Variants in SVIL observed in about 807,000 individuals in gnomAD.
SVIL encodes the protein archvillin.
A neutral mutation model predicts 240.4 loss-of-function variants in SVIL; 101 were observed. The ratio of observed to expected loss-of-function variants is 0.42; its 90% CI spans 0.36 to 0.50. SVIL has a LOEUF of 0.50. Ranked by LOEUF, SVIL falls within the 20% of genes least tolerant of loss-of-function variation. SVIL has a pLI of 0.01. For synonymous variants in SVIL, 999 were observed against 1,100.0 expected (o/e 0.91, Z 1.82); for missense variants, 2,512 against 2,818.7 (o/e 0.89, Z 2.46).
intron 1 of SVIL, among the ~76,000 whole-genome samples, chr10:29,711,017 G>A (rs1963235694): frequency 6.6e-6 from 1 of 152,288 alleles, no homozygotes; most frequent in African/African-American, 2.4e-5. Flanking sequence ...AGACAAATGC[G>A]TTAAAAACTA....
intron 27 of SVIL, chr10:29,483,397 C>T (rs1947093497): frequency 6.6e-6 from 1 of 152,186 alleles, no homozygotes; most frequent in African/African-American, 2.4e-5. Flanking sequence ...ATCCTGGCTG[C>T]ATCTTAAAAT....
At chr10:29,608,718 C>A (rs1266677464) in intron 1 of SVIL, among the ~76,000 whole-genome samples, 1 of 152,244 alleles carries the variant, frequency 6.6e-6, no homozygotes, top group Non-Finnish European at 1.5e-5. Flanking sequence ...TTGAGGGCAG[C>A]TGAGCGTGGG....
intron 17 of SVIL, 96 bp downstream of exon 17, chr10:29,512,639 C>T: frequency 2.5e-6 from 4 of 1,602,184 alleles, no homozygotes; most frequent in African/African-American, 1.3e-5. Context: ...ACAAATGCTT[C>T]ACAGAGTAGG....
intron 1 of SVIL, among the ~76,000 whole-genome samples, chr10:29,604,058 T>C (rs926981162): frequency 6.6e-6 from 1 of 152,186 alleles, no homozygotes; most frequent in Non-Finnish European, 1.5e-5. Context: ...AGTCGCCCCA[T>C]GTCCATCGCT....
intron 18 of SVIL, among the ~76,000 whole-genome samples, chr10:29,496,834 G>A (rs7920357): frequency 0.085 from 12,919 of 152,216 alleles, 1,647 homozygotes; most frequent in African/African-American, 0.28. Context: ...GGTTTTTAAG[G>A]TGGAAGAAAG....
In SVIL at chr10:29,580,174, T is replaced by A. The variant is rs113039196; in HGVS notation, c.-200-10862A>T. On this transcript the variant is annotated intron_variant, in intron 1 of 37. Coordinates refer to ENST00000355867, the MANE Select transcript of SVIL (RefSeq NM_021738.3). ...TTAGACTCTGTCTCTACAAAAAATT[T>A]AAAAAAAAAAAATTTAGCTGGGCAT... Among the ~76,000 whole-genome samples, 1,194 of 146,852 alleles carry A rather than the reference T, an allele frequency of 8.1e-3. 15 individuals are homozygous for A. Among genetic ancestry groups the A allele is most frequent in the African/African-American group, 0.023 (919 of 40,156 alleles).
intron 1 of SVIL, among the ~76,000 whole-genome samples, chr10:29,616,119 T>C (rs556172391): frequency 6.6e-6 from 1 of 152,336 alleles, no homozygotes; most frequent in Non-Finnish European, 1.5e-5. Context: ...ATTTCCTTTT[T>C]ATTTTCCTCC....
intron 1 of SVIL, among the ~76,000 whole-genome samples, chr10:29,620,158 T>A (rs796112348): frequency 6.6e-6 from 1 of 152,140 alleles, no homozygotes; most frequent in Non-Finnish European, 1.5e-5. Context: ...AAAATTATCA[T>A]TGCACACATT....
intron 12 of SVIL, among the ~76,000 whole-genome samples, chr10:29,527,337 A>G (rs886644855): frequency 6.6e-6 from 1 of 152,226 alleles, no homozygotes; most frequent in Non-Finnish European, 1.5e-5. Flanking sequence ...GGTGTAAAAA[A>G]AATAATAATT....
rs68136072 is a variant in SVIL, at chr10:29,457,988, C to T, written c.*259G>A. 29,593 of 328,004 alleles carry T rather than the reference C, an allele frequency of 0.09. 1,781 individuals are homozygous for T. Among genetic ancestry groups the T allele is most frequent in the Non-Finnish European group, 0.12 (20,878 of 180,952 alleles). The allele number at this position is 328,004 out of a possible 1,614,324, so 20.3% of individuals were successfully genotyped here. A position where few individuals can be genotyped will look rare whatever the true frequency, so the allele number is the denominator to read the frequency against. On this transcript the variant is annotated 3_prime_UTR_variant, in exon 38 of 38. Coordinates refer to ENST00000355867, the MANE Select transcript of SVIL (RefSeq NM_021738.3). ...AAGGCAGTGCTATCTATAGCAGCTGCGGCTTAAGTGCACATAACAGATACT... is the reference window on the plus strand; with the variant it reads ...AAGGCAGTGCTATCTATAGCAGCTGTGGCTTAAGTGCACATAACAGATACT...
rs375657751 is a variant in SVIL at position 29,544,931 on chromosome 10, A to C, written c.827+5666T>G. ...GGGACTGAAAGGTGAAGCCAATTCC[A>C]TTCCAGTAATAGAATAAGCTGTGAG... On this transcript the variant is annotated intron_variant, in intron 6 of 37. Transcript: ENST00000355867. 6 of 521,426 alleles carry C rather than the reference A, an allele frequency of 1.2e-5. 1 individual carries two copies. Among genetic ancestry groups the C allele is most frequent in the South Asian group, 7.1e-5 (5 of 70,788 alleles). 32.3% of individuals were successfully genotyped at this position (521,426 alleles called of 1,614,324 possible).
At chr10:29,595,020 CTG>C (rs1390843576) in intron 1 of SVIL, among the ~76,000 whole-genome samples, 1 of 152,244 alleles carries the variant, frequency 6.6e-6, no homozygotes, top group Non-Finnish European at 1.5e-5. Context: ...AATGGAGACT[CTG>C]TTACACTCCT....
At chr10:29,522,830 C>A in intron 15 of SVIL, among the ~76,000 whole-genome samples, 195 bp from the exon 16 acceptor site, 1 of 152,224 alleles carries the variant, frequency 6.6e-6, no homozygotes. Context: ...GTTACCCACA[C>A]AGCAAAATGC....
chr10:29,609,861 C>T (rs1957174067), intron 1 of SVIL, among the ~76,000 whole-genome samples: 1 of 152,222 alleles, frequency 6.6e-6, no homozygotes, highest in African/African-American at 2.4e-5. Flanking sequence ...GGCATGGGAT[C>T]CAGGCTGGTA....
intron 21 of SVIL, among the ~76,000 whole-genome samples, chr10:29,492,572 C>T (rs920797783): frequency 1.3e-5 from 2 of 152,158 alleles, no homozygotes; most frequent in African/African-American, 4.8e-5. Flanking sequence ...CAAAGCCCTC[C>T]GCACTTTTCT....
upstream of SVIL, among the ~76,000 whole-genome samples, chr10:29,639,471 T>C (rs1033269736): frequency 1.2e-4 from 5 of 40,514 alleles, no homozygotes; most frequent in Non-Finnish European, 2.0e-4. Flanking sequence ...GCCTGGCCCT[T>C]TTTTTTTTTT....
chr10:29,672,469 G>A (rs369928521), intron 2 of SVIL, among the ~76,000 whole-genome samples: 1 of 151,968 alleles, frequency 6.6e-6, no homozygotes, highest in Non-Finnish European at 1.5e-5. Flanking sequence ...GCAAGATCCT[G>A]TCTCTAAAAA....
At chr10:29,509,298 A>G (rs1331125242) in intron 17 of SVIL, among the ~76,000 whole-genome samples, 1 of 145,330 alleles carries the variant, frequency 6.9e-6, no homozygotes, top group East Asian at 2.3e-4. Context: ...AAAGAGAAAG[A>G]GGGGGAGAGA....
rs143937273 is a variant in SVIL at position 29,695,091 on chromosome 10, C to T, written c.-399-8440G>A. Among the ~76,000 whole-genome samples the T allele has an allele frequency of 4.7e-3, 721 of 152,206 alleles. 4 individuals carry two copies. Among genetic ancestry groups the T allele is most frequent in the African/African-American group, 0.016 (670 of 41,532 alleles). On this transcript the variant is annotated intron_variant, in intron 1 of 35. Coordinates refer to the SVIL transcript ENST00000375400. ...AATTTCTGCTTGAGGTCAAGAGAGA[C>T]CTCCGGGTCCCAAAGCAATGAAGAC... is the stretch of plus-strand genomic sequence containing the variant.
Sources: gnomAD v4.1 joint callset for allele counts (sites outside exome capture counted in the v4.1 genomes callset) on GRCh38, gnomAD v4.1.1 for gene constraint, MANE v1.5 for transcripts, NCBI Gene and HGNC (gene_info 2026-07-23, HGNC 2026-07-21) for gene names.